The following SLC22A13 variants were observed in gnomAD, a reference collection of about 807,000 sequenced individuals.
The protein encoded by SLC22A13 is organic anion transporter 10.
SLC22A13 carries 42 observed loss-of-function variants against 49.1 expected under a neutral mutation model. That is an observed-to-expected ratio of 0.85 (90% CI 0.67 to 1.11). SLC22A13 has a LOEUF of 1.11. Among genes scored for constraint, SLC22A13 ranks in the 50% least tolerant of loss-of-function variants. SLC22A13 has a pLI of 0.00. For missense variants in SLC22A13, 694 were observed against 712.8 expected, an observed-to-expected ratio of 0.97 and a Z score of 0.30; for synonymous variants, 282 against 293.1, an observed-to-expected ratio of 0.96 and a Z score of 0.39.
At position 38,275,307 on chromosome 3, in the gene SLC22A13, G is replaced by A. The variant is rs2125864002; in HGVS notation, c.807-63G>A. On this transcript the variant is annotated intron_variant, in intron 4 of 9. Coordinates refer to ENST00000311856, the MANE Select transcript of SLC22A13 (RefSeq NM_004256.4). The stretch of plus-strand genomic sequence containing the variant: ...TGGGTGTGGGGTTCAGTTTGCACTG[G>A]AACAAGCTGGAAAGCTCCCTAGGAC... 2.5e-6 allele frequency: 4 copies of A among 1,607,164 alleles called. No individual in the cohort carries two copies. The South Asian group carries it at 3.3e-5, about 13-fold the overall frequency.
At position 38,278,050 on chromosome 3, in the gene SLC22A13, C is replaced by CT; in HGVS notation, c.*585_*586insT. 1 of 152,514 alleles carries CT rather than the reference C, an allele frequency of 6.6e-6. No homozygotes were observed. Among genetic ancestry groups the CT allele is most frequent in the African/African-American group, 2.4e-5 (1 of 41,560 alleles). 9.4% of individuals were successfully genotyped at this position (152,514 alleles called of 1,614,324 possible). A position where few individuals can be genotyped will look rare whatever the true frequency, so the allele number is the denominator to read the frequency against. On this transcript the variant is annotated 3_prime_UTR_variant, in exon 10 of 10. Transcript: ENST00000311856. ...AGAGAAGATTCAGTTCAGCCTAAATCAAAACTTCCACCTTGTGTTCACTTC... is the reference window on the plus strand; with the variant it reads ...AGAGAAGATTCAGTTCAGCCTAAATCTAAAACTTCCACCTTGTGTTCACTTC...
rs765040696 is a variant in SLC22A13 at position 38,274,680 on chromosome 3, A to C, written c.559A>C (p.Ser187Arg). The change falls in exon 3 of 10, where the codon AGC becomes CGC. Residue 187 changes from serine to arginine, a missense_variant. Coordinates refer to ENST00000311856, the MANE Select transcript of SLC22A13 (RefSeq NM_004256.4). ...LIGLATAFVP[S>R]FELYMALRFA... is the part of the protein sequence containing the mutation. ...CGGCCTGGCCACAGCTTTTGTGCCC[A>C]GCTTTGAGCTCTACATGGCCCTGCG... 6.2e-6 allele frequency: 10 copies of C among 1,614,070 alleles called. No individual in the cohort carries two copies. Among genetic ancestry groups the C allele is most frequent in the African/African-American group, 1.3e-5 (1 of 74,934 alleles).
At chr3:38,272,628 A>G (rs1365146612) in intron 1 of SLC22A13, among the ~76,000 whole-genome samples, 3 of 152,330 alleles carry the variant, frequency 2.0e-5, no homozygotes, top group South Asian at 4.1e-4. Flanking sequence ...TGGAGCAACA[A>G]TTTCAAGTCC....
intron 1 of SLC22A13, among the ~76,000 whole-genome samples, chr3:38,267,539 C>G (rs183049934): frequency 6.6e-6 from 1 of 152,304 alleles, no homozygotes; most frequent in Admixed American, 6.5e-5. Flanking sequence ...TCTCAAAGCC[C>G]AGAAAACCTT....
rs1048342672 is a variant in SLC22A13, at chr3:38,277,032, C to T, written c.1467C>T (p.Pro489=). 2.5e-6 allele frequency: 4 copies of T among 1,603,050 alleles called. No homozygotes were observed. Among genetic ancestry groups the T allele is most frequent in the African/African-American group, 2.7e-5 (2 of 74,640 alleles). ...CCATGCTCATCTACGGCAGCCTCCC[C>T]ATCGTGGCCGGCCTGCTGTGCACCC... is the stretch of plus-strand genomic sequence containing the variant. ...ALPMLIYGSL[P]IVAGLLCTLL... The change falls in exon 9 of 10, where the codon CCC becomes CCT. Residue 489 remains proline (P), a synonymous_variant. Transcript: ENST00000311856.
chr3:38,267,070 G>A (rs1204784904), intron 1 of SLC22A13, among the ~76,000 whole-genome samples: 5 of 152,202 alleles, frequency 3.3e-5, no homozygotes, highest in African/African-American at 9.7e-5. Flanking sequence ...AGAAACCTGA[G>A]GGGCATGGGT....
chr3:38,271,740 T>A (rs2125863125), intron 1 of SLC22A13, among the ~76,000 whole-genome samples: 1 of 152,148 alleles, frequency 6.6e-6, no homozygotes, highest in East Asian at 1.9e-4. Context: ...CTGGCATATT[T>A]AGGAATGCTG....
chr3:38,274,542 G>A (rs373870060), intron 2 of SLC22A13, 62 bp from the exon 3 acceptor site: 13 of 1,572,458 alleles, frequency 8.3e-6, no homozygotes, highest in East Asian at 2.2e-5. Flanking sequence ...GCCCCCTTGC[G>A]GCCTTCTCCT....
chr3:38,275,578 C>T lies in SLC22A13; in HGVS notation c.928C>T (p.Leu310=). The T allele has an allele frequency of 6.2e-7, 1 of 1,614,072 alleles. No homozygotes were observed. The highest frequency in any genetic ancestry group is 8.5e-7 in the Non-Finnish European group (1 of 1,179,924). The part of the protein sequence containing the change: ...RKLSPELMNQ[L]VPEKTGPSGN... ...TTCTCACTCTGCTTCTTCCTCCCAG[C>T]TGGTCCCAGAGAAGACAGGCCCCTC... Residue 310 remains leucine (L), a splice_region_variant and synonymous_variant, in exon 6 of 10, where the codon CTG becomes TTG. Transcript: ENST00000311856.
intron 2 of SLC22A13, 100 bp from the exon 3 acceptor site, chr3:38,274,504 T>C: frequency 6.8e-7 from 1 of 1,473,116 alleles, no homozygotes; most frequent in Non-Finnish European, 9.4e-7. Flanking sequence ...CAAATGGGGC[T>C]CAGACAGAGA....
intron 1 of SLC22A13, among the ~76,000 whole-genome samples, chr3:38,269,262 A>G (rs1043267466): frequency 2.1e-5 from 3 of 145,964 alleles, no homozygotes; most frequent in Admixed American, 1.4e-4. Context: ...ATGAACTTCA[A>G]TTTTTTTTTT....
chr3:38,277,057 C>G lies in SLC22A13; in HGVS notation c.1492C>G (p.Leu498Val), dbSNP rs1318150889. The change falls in exon 9 of 10, where the codon CTG becomes GTG. Residue 498 changes from leucine to valine, a missense_variant. Leu to Val is a conservative substitution (Grantham distance 32, BLOSUM62 1). Coordinates refer to ENST00000311856, the MANE Select transcript of SLC22A13 (RefSeq NM_004256.4). The stretch of plus-strand genomic sequence containing the variant: ...CATCGTGGCCGGCCTGCTGTGCACC[C>G]TGCTGCCAGAGACGCATGGCCAGGG... Reference protein sequence around the residue: ...LPIVAGLLCTLLPETHGQGLK... With the variant: ...LPIVAGLLCTVLPETHGQGLK... 6.3e-7 allele frequency: 1 copy of G among 1,593,680 alleles called. No homozygotes were observed. The highest frequency in any genetic ancestry group is 1.3e-5 in the African/African-American group (1 of 74,590).
At chr3:38,273,902 C>T (rs1433851180) in intron 1 of SLC22A13, among the ~76,000 whole-genome samples, 1 of 152,228 alleles carries the variant, frequency 6.6e-6, no homozygotes, top group Non-Finnish European at 1.5e-5. Flanking sequence ...CTCACTTTCT[C>T]TTCCACATTG....
rs571314516 is a variant in SLC22A13, at chr3:38,275,371, G to C, written c.808G>C (p.Ala270Pro). Residue 270 changes from alanine (A) to proline (P), a missense_variant and splice_region_variant, in exon 5 of 10, where the codon GCT (alanine) becomes CCT (proline). Transcript: ENST00000311856. ...GTCATAGCCGTTGCTGACCCACAGG[G>C]CTCTGCCAGAATCTGCACGTTGGCT... The part of the protein sequence containing the change: ...PGLLLFFYFW[A>P]LPESARWLLT... 6.2e-7 allele frequency: 1 copy of C among 1,614,156 alleles called. No homozygotes were observed. Among genetic ancestry groups the C allele is most frequent in the East Asian group, 2.2e-5 (1 of 44,888 alleles).
intron 4 of SLC22A13, 28 bp downstream of exon 4, chr3:38,275,185 C>T (rs779568745): frequency 6.2e-7 from 1 of 1,611,690 alleles, no homozygotes; most frequent in South Asian, 1.1e-5. Context: ...CAGGAGCAAG[C>T]CCCCCCAGGT....
chr3:38,272,282 G>C (rs560551530), intron 1 of SLC22A13, among the ~76,000 whole-genome samples: 4 of 152,246 alleles, frequency 2.6e-5, no homozygotes. Context: ...CTGCCACCAG[G>C]TGAGAGCTTT....
chr3:38,266,032 C>T lies in SLC22A13; in HGVS notation c.172C>T (p.His58Tyr). Residue 58 changes from histidine to tyrosine, a missense_variant, in exon 1 of 10, where the codon CAC becomes TAC. By Grantham distance (83) the His-to-Tyr change is moderately conservative. Coordinates refer to ENST00000311856, the MANE Select transcript of SLC22A13 (RefSeq NM_004256.4). ...HHCAVAWVKN[H>Y]TFNLSAAEQL... is the part of the protein sequence containing the mutation. ...CTGTGCAGTGGCTTGGGTGAAGAAC[C>T]ACACTTTCAACCTGAGTGCTGCTGA... 6.2e-7 allele frequency: 1 copy of T among 1,614,164 alleles called. No homozygotes were observed. Among genetic ancestry groups the T allele is most frequent in the Middle Eastern group, 1.6e-4 (1 of 6,062 alleles).
rs139812821 is a variant in SLC22A13, at chr3:38,278,711, T to C, written c.*1246T>C. 8.5e-3 allele frequency among the ~76,000 whole-genome samples: 1,289 copies of C among 151,240 alleles called. 8 individuals carry two copies. Among genetic ancestry groups the C allele is most frequent in the Non-Finnish European group, 0.014 (929 of 67,912 alleles). On this transcript the variant is annotated 3_prime_UTR_variant, in exon 10 of 10. Coordinates refer to ENST00000311856, the MANE Select transcript of SLC22A13 (RefSeq NM_004256.4). ...GGTGCATGCCTGTAATCCCAGCTAC[T>C]TGGGAGGCTGAGGCAGGAGAATCGC...
Position 38,275,389 on chromosome 3 carries a change from C to G in SLC22A13, c.826C>G (p.Arg276Gly), listed in dbSNP as rs535539032. 655 of 1,614,190 alleles carry G rather than the reference C, an allele frequency of 4.1e-4. 9 individuals carry two copies. In the South Asian group the frequency reaches 6.6e-3, roughly 16 times the overall value. ...CCACAGGGCTCTGCCAGAATCTGCA[C>G]GTTGGCTCCTGACCCGTGGGAGGAT... ...FYFWALPESARWLLTRGRMDE... is the reference protein window; with the variant it reads ...FYFWALPESAGWLLTRGRMDE... The change falls in exon 5 of 10, where the codon CGT (arginine) becomes GGT (glycine). Residue 276 changes from arginine to glycine, a missense_variant. By Grantham distance (125) the Arg-to-Gly change is moderately radical. Coordinates refer to ENST00000311856, the MANE Select transcript of SLC22A13 (RefSeq NM_004256.4).
Sources: allele counts gnomAD v4.1 joint callset (sites outside exome capture counted in the v4.1 genomes callset), GRCh38; gene constraint gnomAD v4.1.1; transcripts MANE v1.5; gene names NCBI Gene and HGNC (gene_info 2026-07-23, HGNC 2026-07-21).